The following DNHD1 variants were observed in gnomAD, a reference collection of about 807,000 sequenced individuals.
The protein encoded by DNHD1 is dynein heavy chain domain-containing protein 1.
A neutral mutation model predicts 458.1 loss-of-function variants in DNHD1; 383 were observed. The observed-to-expected ratio is 0.84, with a 90% CI of 0.77 to 0.91. The LOEUF (loss-of-function observed/expected upper bound fraction) is 0.91, where lower values mean the gene tolerates loss of function less well. DNHD1 is among the 40% of genes least tolerant of loss of function. The pLI, the probability that DNHD1 is intolerant of heterozygous loss-of-function variation, is 0.00. For synonymous variants in DNHD1, 2,203 were observed against 2,376.9 expected, an observed-to-expected ratio of 0.93 and a Z score of 2.13; for missense variants, 5,336 against 5,866.1, an observed-to-expected ratio of 0.91 and a Z score of 2.95.
chr11:6,523,606 T>C (rs1452907166), intron 10 of DNHD1, among the ~76,000 whole-genome samples: 1 of 152,198 alleles, frequency 6.6e-6, no homozygotes, highest in Admixed American at 6.5e-5. Flanking sequence ...ATATGTATTA[T>C]ATCAATACAT....
Position 6,559,270 on chromosome 11 carries a change from A to G in DNHD1, c.9506A>G (p.Lys3169Arg). 5 of 1,551,566 alleles carry G rather than the reference A, an allele frequency of 3.2e-6. No individual in the cohort carries two copies. The highest frequency in any genetic ancestry group is 4.4e-6 in the Non-Finnish European group (5 of 1,146,902). Residue 3169 changes from lysine to arginine, a missense_variant, in exon 28 of 43, where the codon AAA becomes AGA. Coordinates refer to ENST00000254579, the MANE Select transcript of DNHD1 (RefSeq NM_144666.3). ...NLIFDLEQQLKDSGKSLSMFQ... is the reference protein window; with the variant it reads ...NLIFDLEQQLRDSGKSLSMFQ... ...ATCTTTGACTTGGAACAGCAGCTGA[A>G]AGACTCCGGCAAGGTAAGGAGATGA...
intron 7 of DNHD1, among the ~76,000 whole-genome samples, chr11:6,516,419 T>C (rs2134388521): frequency 6.6e-6 from 1 of 151,468 alleles, no homozygotes; most frequent in East Asian, 2.0e-4. Flanking sequence ...TACCTCAGCC[T>C]CCCGAGTAGC....
In DNHD1 at chr11:6,556,989, G is replaced by C. The variant is rs1279338967; in HGVS notation, c.7694G>C (p.Arg2565Thr). The C allele has an allele frequency of 1.3e-6, 2 of 1,551,740 alleles. No individual in the cohort carries two copies. Among genetic ancestry groups the C allele is most frequent in the South Asian group, 2.4e-5 (2 of 84,062 alleles). ...RERALARGLVRASVEAWEAVC... is the reference protein window; with the variant it reads ...RERALARGLVTASVEAWEAVC... Reference sequence around the variant, plus strand: ...CGTGCTCTGGCACGAGGTCTGGTTAGGGCCTCAGTAGAGGCCTGGGAGGCT... The same window carrying C: ...CGTGCTCTGGCACGAGGTCTGGTTACGGCCTCAGTAGAGGCCTGGGAGGCT... The change falls in exon 25 of 43, where the codon AGG (arginine) becomes ACG (threonine). Residue 2565 changes from arginine (R) to threonine (T), a missense_variant. By Grantham distance (71) the Arg-to-Thr change is moderately conservative. Around this residue, in one of 4 missense-constraint regions of DNHD1, gnomAD observed 3,932 missense variants for 4,365.6 expected, o/e 0.90. Transcript: ENST00000254579.
rs1852891213 is a variant in DNHD1 at position 6,534,186 on chromosome 11, C to G, written c.2998+13C>G. ...GCCATCTTCACTGGTACTGAGGATC[C>G]CTGCACCCTCCATTATCACTCTGTG... On this transcript the variant is annotated intron_variant, in intron 14 of 42. Transcript: ENST00000254579. 1.3e-6 allele frequency: 2 copies of G among 1,548,826 alleles called. No individual in the cohort carries two copies. The highest frequency in any genetic ancestry group is 2.4e-5 in the East Asian group (1 of 40,902).
Position 6,548,486 on chromosome 11 carries a change from C to A in DNHD1, c.7098+84C>A. 1 of 1,454,050 alleles carries A rather than the reference C, an allele frequency of 6.9e-7. No homozygotes were observed. Among genetic ancestry groups the A allele is most frequent in the Non-Finnish European group, 9.3e-7 (1 of 1,075,846 alleles). The allele number at this position is 1,454,050 out of a possible 1,614,324, so 90.1% of individuals were successfully genotyped here. On this transcript the variant is annotated intron_variant, in intron 23 of 42. Coordinates refer to ENST00000254579, the MANE Select transcript of DNHD1 (RefSeq NM_144666.3). The surrounding 1 kb of genome is among the most constrained non-coding windows in gnomAD (Gnocchi z 4.4). Reference sequence around the variant, plus strand: ...ATCCATGTTCAAAGATCAGCTGAGGCCCACTTGCTCCCTTTCTTTGATATA... The same window carrying A: ...ATCCATGTTCAAAGATCAGCTGAGGACCACTTGCTCCCTTTCTTTGATATA...
chr11:6,505,943 T>C lies in DNHD1; in HGVS notation c.921-2937T>C, dbSNP rs1204595981. ...TAGTTGGGAGCTTACAGAAAGCAAATGACAAGCTTAGGGCTTTAAACTATC... is the reference window on the plus strand; with the variant it reads ...TAGTTGGGAGCTTACAGAAAGCAAACGACAAGCTTAGGGCTTTAAACTATC... On this transcript the variant is annotated intron_variant, in intron 4 of 42. Transcript: ENST00000254579. The surrounding 1 kb of genome is among the most constrained non-coding windows in gnomAD (Gnocchi z 4.4). Among the ~76,000 whole-genome samples the C allele has an allele frequency of 6.6e-6, 1 of 152,164 alleles. No homozygotes were observed. The highest frequency in any genetic ancestry group is 1.5e-5 in the Non-Finnish European group (1 of 68,020).
At chr11:6,558,434 AG>A (rs780873729) in intron 25 of DNHD1, 50 bp from the exon 26 acceptor site, 1 of 1,545,590 alleles carries the variant, frequency 6.5e-7, no homozygotes. Context: ...TGGGGCCAGG[AG>A]GGGCAAGCAA....
In DNHD1 at chr11:6,533,714, G is replaced by A. The variant is rs1564811526; in HGVS notation, c.2539G>A (p.Glu847Lys). 6.4e-7 allele frequency: 1 copy of A among 1,551,220 alleles called. No individual in the cohort carries two copies. Among genetic ancestry groups the A allele is most frequent in the East Asian group, 2.4e-5 (1 of 40,892 alleles). ...AGCCAATGAACAGTACGTCGAGCTG[G>A]AGGAGCGAATGGAATACGTACGGGC... is the stretch of plus-strand genomic sequence containing the variant. ...NEANEQYVEL[E>K]ERMEYVRALH... Residue 847 changes from glutamate to lysine, a missense_variant, in exon 14 of 43, where the codon GAG (glutamate) becomes AAG (lysine). Transcript: ENST00000254579.
chr11:6,509,688 G>C (rs1852298893), intron 6 of DNHD1, among the ~76,000 whole-genome samples: 1 of 152,114 alleles, frequency 6.6e-6, no homozygotes, highest in South Asian at 2.1e-4. Flanking sequence ...TTCTTTCCAA[G>C]ATATTACTTG....
At chr11:6,526,005 T>TA (rs765901621) in intron 10 of DNHD1, among the ~76,000 whole-genome samples, 2 of 151,302 alleles carry the variant, frequency 1.3e-5, no homozygotes, top group East Asian at 3.9e-4. Context: ...TTTTCTGAAT[T>TA]ACGGTTTTTA....
Position 6,514,779 on chromosome 11 carries a change from C to T in DNHD1, c.1392+3350C>T, listed in dbSNP as rs187034598. Among the ~76,000 whole-genome samples, 264 of 152,222 alleles carry T rather than the reference C, an allele frequency of 1.7e-3. 1 individual carries two copies. Among genetic ancestry groups the T allele is most frequent in the Non-Finnish European group, 2.9e-3 (196 of 68,008 alleles). Reference sequence around the variant, plus strand: ...TCAATTGAAGGCATCAGCCCCCTTACCCCTGTCTTAGTTTGTTTTCTGTTG... The same window carrying T: ...TCAATTGAAGGCATCAGCCCCCTTATCCCTGTCTTAGTTTGTTTTCTGTTG... On this transcript the variant is annotated intron_variant, in intron 7 of 42. Coordinates refer to ENST00000254579, the MANE Select transcript of DNHD1 (RefSeq NM_144666.3).
At position 6,552,128 on chromosome 11, in the gene DNHD1, T is replaced by A. The variant is rs1460005300; in HGVS notation, c.7387+3195T>A. 2.7e-5 allele frequency among the ~76,000 whole-genome samples: 4 copies of A among 149,806 alleles called. 1 individual carries two copies. The highest frequency in any genetic ancestry group is 1.0e-4 in the African/African-American group (4 of 39,840). Reference sequence around the variant, plus strand: ...AATAAGGGAAAATTATGAAAAACTTTATGCTAATAAATTTAGCAACTTAGG... The same window carrying A: ...AATAAGGGAAAATTATGAAAAACTTAATGCTAATAAATTTAGCAACTTAGG... On this transcript the variant is annotated intron_variant, in intron 24 of 42. Transcript: ENST00000254579.
intron 39 of DNHD1, among the ~76,000 whole-genome samples, chr11:6,569,113 G>A (rs1226662449): frequency 6.6e-6 from 1 of 152,204 alleles, no homozygotes; most frequent in East Asian, 1.9e-4. Flanking sequence ...GAAGGGAGGA[G>A]ACTTGAGTGT....
chr11:6,548,177 C>A lies in DNHD1; in HGVS notation c.6906-33C>A. 5 of 1,549,300 alleles carry A rather than the reference C, an allele frequency of 3.2e-6. No homozygotes were observed. The highest frequency in any genetic ancestry group is 4.4e-6 in the Non-Finnish European group (5 of 1,145,018). ...TCATAAATGGAAGTGTTGTAACTGT[C>A]TGACGCTTTTGCCTGTGTGTCCATC... On this transcript the variant is annotated intron_variant, in intron 22 of 42. Transcript: ENST00000254579. The surrounding 1 kb of genome is among the most constrained non-coding windows in gnomAD (Gnocchi z 4.4).
In DNHD1 at chr11:6,558,544, C is replaced by G. The variant is rs1012042269; in HGVS notation, c.9062C>G (p.Ala3021Gly). The change falls in exon 26 of 43, where the codon GCC becomes GGC. Residue 3021 changes from alanine to glycine, a missense_variant. Physicochemically the swap from Ala to Gly is moderately conservative, Grantham distance 60 (BLOSUM62 0). Around this residue, in one of 4 missense-constraint regions of DNHD1, gnomAD observed 3,932 missense variants for 4,365.6 expected, o/e 0.90. Coordinates refer to ENST00000254579, the MANE Select transcript of DNHD1 (RefSeq NM_144666.3). ...HLFFLIGDKQ[A>G]HKQLPSTLFL... ...TTCTTCCTGATTGGAGATAAACAGG[C>G]CCACAAGCAGCTGCCCTCCACCCTT... is the stretch of plus-strand genomic sequence containing the variant. 1 of 1,551,728 alleles carries G rather than the reference C, an allele frequency of 6.4e-7. No individual in the cohort carries two copies.
intron 39 of DNHD1, among the ~76,000 whole-genome samples, chr11:6,569,555 T>C (rs1276044775): frequency 2.0e-5 from 3 of 152,040 alleles, no homozygotes; most frequent in African/African-American, 4.8e-5. Context: ...GGGTTTTAAG[T>C]AGAAGAAGAA....
chr11:6,546,988 GACACC>G lies in DNHD1; in HGVS notation c.6050_6054del (p.Asp2017ValfsTer48). 6.4e-7 allele frequency: 1 copy of G among 1,551,482 alleles called. No homozygotes were observed. Among genetic ancestry groups the G allele is most frequent in the Non-Finnish European group, 8.7e-7 (1 of 1,146,904 alleles). On this transcript the variant is annotated frameshift_variant, in exon 21 of 43. Transcript: ENST00000254579. LOFTEE classifies it high-confidence loss of function. ...CCAGAATCGGCTGGCAGCCATGGAGGACACCTCAACCCAAGGCTGCCAGCCTGTGG... is the reference window on the plus strand; with the variant it reads ...CCAGAATCGGCTGGCAGCCATGGAGGTCAACCCAAGGCTGCCAGCCTGTGG...
Position 6,528,584 on chromosome 11 carries a change from A to G in DNHD1, c.1900A>G (p.Ser634Gly), listed in dbSNP as rs1466895726. Residue 634 changes from serine (S) to glycine (G), a missense_variant, in exon 11 of 43, where the codon AGC (serine) becomes GGC (glycine). By Grantham distance (56) the Ser-to-Gly change is moderately conservative (BLOSUM62 0). Around this residue, in one of 4 missense-constraint regions of DNHD1, gnomAD observed 3,932 missense variants for 4,365.6 expected, o/e 0.90. Coordinates refer to ENST00000254579, the MANE Select transcript of DNHD1 (RefSeq NM_144666.3). ...GATGCCCAAGTTCCAGGGCCAGCCC[A>G]GCGATGCTGTGAGCATCTTCTGTGG... ...FLMPKFQGQP[S>G]DAVSIFCGPN... The G allele has an allele frequency of 6.4e-7, 1 of 1,551,592 alleles. No individual in the cohort carries two copies. The highest frequency in any genetic ancestry group is 2.0e-5 in the Admixed American group (1 of 50,994).
At chr11:6,510,281 C>T (rs1415843771) in intron 6 of DNHD1, among the ~76,000 whole-genome samples, 5 of 152,016 alleles carry the variant, frequency 3.3e-5, no homozygotes, top group African/African-American at 7.3e-5. Flanking sequence ...GATAAGGTTT[C>T]GCCATGTTGG....
Sources: gnomAD v4.1 joint callset for allele counts (sites outside exome capture counted in the v4.1 genomes callset) on GRCh38, gnomAD v4.1.1 for gene constraint, gnomAD v4.1.1 regional missense constraint, Gnocchi (gnomAD v3.1) non-coding constraint, MANE v1.5 for transcripts, NCBI Gene and HGNC (gene_info 2026-07-23, HGNC 2026-07-21) for gene names.